Variants in TFCP2 observed in about 807,000 individuals in gnomAD.
The protein encoded by TFCP2 is alpha-globin transcription factor CP2.
Under a neutral mutation model 73.4 loss-of-function variants are expected in TFCP2, and 33 were observed. That is an observed-to-expected ratio of 0.45 (90% confidence interval 0.34 to 0.60). TFCP2 has a LOEUF of 0.60. Among genes scored for constraint, TFCP2 ranks in the 20% least tolerant of loss-of-function variants. TFCP2 has a pLI of 0.01. For missense variants in TFCP2, 352 were observed against 604.0 expected (o/e 0.58, Z 4.37); for synonymous variants, 193 against 211.6 (o/e 0.91, Z 0.76).
At position 51,158,935 on chromosome 12, in the gene TFCP2, G is replaced by C. The variant is rs534278395; in HGVS notation, c.122+13366C>G. On this transcript the variant is annotated intron_variant, in intron 1 of 14. Transcript: ENST00000257915. The stretch of plus-strand genomic sequence containing the variant: ...TCACAGCACTTTGGGAGGCCGAGGC[G>C]GGAGAATCACAAGGTCAGGAGTTCA... 1.4e-3 allele frequency among the ~76,000 whole-genome samples: 216 copies of C among 149,814 alleles called. 1 individual carries two copies. The highest frequency in any genetic ancestry group is 5.1e-3 in the African/African-American group (206 of 40,782).
intron 1 of TFCP2, among the ~76,000 whole-genome samples, chr12:51,145,180 G>A (rs548802337): frequency 7.2e-6 from 1 of 137,954 alleles, no homozygotes; most frequent in Admixed American, 7.7e-5. Context: ...CAGCCTCGGG[G>A]ACAGAGTGAG....
chr12:51,150,386 C>A (rs1179863819), intron 1 of TFCP2, among the ~76,000 whole-genome samples: 1 of 151,854 alleles, frequency 6.6e-6, no homozygotes, highest in African/African-American at 2.4e-5. Context: ...CCACTGCACT[C>A]CAGCCTGGGC....
At chr12:51,154,858 G>T (rs1941505100) in intron 1 of TFCP2, among the ~76,000 whole-genome samples, 2 of 152,162 alleles carry the variant, frequency 1.3e-5, no homozygotes, top group South Asian at 2.1e-4. Flanking sequence ...TAGAATTACA[G>T]GATGATATGG....
At chr12:51,166,496 G>GCT (rs1941760991) in intron 1 of TFCP2, among the ~76,000 whole-genome samples, 2 of 152,040 alleles carry the variant, frequency 1.3e-5, no homozygotes, top group Non-Finnish European at 2.9e-5. Context: ...TTAGGGGACA[G>GCT]CTCTTACCCA....
Position 51,172,586 on chromosome 12 carries a change from A to C in TFCP2, c.-164T>G. The C allele has an allele frequency of 1.2e-6, 1 of 846,592 alleles. No individual in the cohort carries two copies. The highest frequency in any genetic ancestry group is 1.8e-6 in the Non-Finnish European group (1 of 562,000). The allele number at this position is 846,592 out of a possible 1,614,324, so 52.4% of individuals were successfully genotyped here. ...CCCGACCAGCACTGCTCTGTGCACA[A>C]CTAATCTCCCGTACCCTTGGCTGCT... On this transcript the variant is annotated 5_prime_UTR_variant, in exon 1 of 15. Transcript: ENST00000257915.
intron 1 of TFCP2, among the ~76,000 whole-genome samples, chr12:51,159,488 A>T (rs886522185): frequency 6.6e-6 from 1 of 151,626 alleles, no homozygotes; most frequent in Non-Finnish European, 1.5e-5. Flanking sequence ...ACAGGCGCCC[A>T]CCACCATGCC....
intron 1 of TFCP2, among the ~76,000 whole-genome samples, chr12:51,139,713 G>A (rs1309390254): frequency 1.3e-5 from 2 of 152,126 alleles, no homozygotes; most frequent in African/African-American, 4.8e-5. Context: ...CAGACAAACT[G>A]CAGTTCTTTC....
At chr12:51,147,341 G>A (rs2640510) in intron 1 of TFCP2, among the ~76,000 whole-genome samples, 145,933 of 148,574 alleles carry the variant, frequency 0.98, 71,715 homozygotes, top group Middle Eastern at 1. Flanking sequence ...TCTCAAAAAA[G>A]AAAGAAAGAA....
intron 13 of TFCP2, among the ~76,000 whole-genome samples, chr12:51,098,214 C>T (rs978346486): frequency 6.6e-5 from 10 of 151,540 alleles, no homozygotes; most frequent in Non-Finnish European, 1.3e-4. Flanking sequence ...AATGATGTAA[C>T]CATTTCACTT....
chr12:51,165,445 T>TAA (rs112402143), intron 1 of TFCP2, among the ~76,000 whole-genome samples: 15 of 145,692 alleles, frequency 1.0e-4, no homozygotes, highest in African/African-American at 3.7e-4. Flanking sequence ...CTTTTAAGAT[T>TAA]AAAAAAAAAA....
intron 9 of TFCP2, 142 bp downstream of exon 9, chr12:51,104,013 G>A: frequency 1.1e-6 from 1 of 899,876 alleles, no homozygotes; most frequent in Non-Finnish European, 1.8e-6. Context: ...ACAGTATCTG[G>A]TTCATAGTCA....
At chr12:51,126,115 C>G (rs769895537) in intron 1 of TFCP2, among the ~76,000 whole-genome samples, 2 of 151,768 alleles carry the variant, frequency 1.3e-5, no homozygotes, top group Non-Finnish European at 2.9e-5. Flanking sequence ...CGCCTGTAGT[C>G]CCAGCTACTT....
chr12:51,127,263 C>G (rs181443278), intron 1 of TFCP2, among the ~76,000 whole-genome samples: 1 of 152,218 alleles, frequency 6.6e-6, no homozygotes, highest in Admixed American at 6.5e-5. Flanking sequence ...AGACCTAAGG[C>G]TGAGGTGCTA....
intron 1 of TFCP2, among the ~76,000 whole-genome samples, chr12:51,148,698 T>TAAAA (rs1592829209): frequency 2.9e-5 from 1 of 34,574 alleles, no homozygotes; most frequent in Admixed American, 2.8e-4. Flanking sequence ...AGACTCTGTC[T>TAAAA]CAAAAAAAAA....
chr12:51,129,943 G>A (rs1940902059), intron 1 of TFCP2, among the ~76,000 whole-genome samples: 1 of 151,054 alleles, frequency 6.6e-6, no homozygotes, highest in Admixed American at 6.6e-5. Context: ...GAGACCAGTA[G>A]TTTGAGACCA....
At chr12:51,156,378 CTT>C (rs1941538580) in intron 1 of TFCP2, among the ~76,000 whole-genome samples, 1 of 151,956 alleles carries the variant, frequency 6.6e-6, no homozygotes, top group Non-Finnish European at 1.5e-5. Context: ...ACAACCAGCT[CTT>C]GAGTAAACTA....
At chr12:51,169,917 A>G (rs1333504956) in intron 1 of TFCP2, among the ~76,000 whole-genome samples, 1 of 152,238 alleles carries the variant, frequency 6.6e-6, no homozygotes, top group Non-Finnish European at 1.5e-5. Context: ...GTAAGATGGC[A>G]TAGTATCAAG....
chr12:51,172,188 T>C, intron 1 of TFCP2, 113 bp downstream of exon 1: 1 of 1,435,918 alleles, frequency 7.0e-7, no homozygotes, highest in Non-Finnish European at 9.4e-7. Flanking sequence ...TTTTCCCCAA[T>C]CGTAAACAGC....
At chr12:51,104,033 A>G in intron 9 of TFCP2, 122 bp downstream of exon 9, 1 of 1,049,518 alleles carries the variant, frequency 9.5e-7, no homozygotes, top group Non-Finnish European at 1.5e-6. Flanking sequence ...AAAATTCAAT[A>G]AATGTTTGTT....
Sources: gnomAD v4.1 joint callset for allele counts (sites outside exome capture counted in the v4.1 genomes callset) on GRCh38, gnomAD v4.1.1 for gene constraint, MANE v1.5 for transcripts, NCBI Gene and HGNC (gene_info 2026-07-23, HGNC 2026-07-21) for gene names.